The following GPC5 variants were observed in gnomAD, a reference collection of about 807,000 sequenced individuals.
GPC5 encodes glypican 5.
Under a neutral mutation model 53.9 loss-of-function variants are expected in GPC5, and 47 were observed. The observed-to-expected ratio is 0.87, with a 90% CI of 0.69 to 1.11. The LOEUF is 1.11. Ranked by LOEUF, GPC5 falls within the 50% of genes most tolerant of loss-of-function variation. The probability of loss-of-function intolerance (pLI) is 0.00; values close to 1 mark genes in which losing one functional copy is unlikely to be tolerated. For missense variants in GPC5, 748 were observed against 713.1 expected (o/e 1.05, Z -0.56); for synonymous variants, 286 against 263.3 (o/e 1.09, Z -0.84).
chr13:92,736,085 C>T (rs1888927192), intron 7 of GPC5, among the ~76,000 whole-genome samples: 1 of 151,936 alleles, frequency 6.6e-6, no homozygotes, highest in Non-Finnish European at 1.5e-5. Context: ...CTTTACTCTC[C>T]ACCGTCATCC....
rs1029549926 is a variant in GPC5, at chr13:92,866,549, G to T, written c.*110G>T. 4.2e-6 allele frequency: 4 copies of T among 945,620 alleles called. No homozygotes were observed. The highest frequency in any genetic ancestry group is 2.9e-5 in the Admixed American group (1 of 33,982). The allele number at this position is 945,620 out of a possible 1,614,324, so 58.6% of individuals were successfully genotyped here. On this transcript the variant is annotated 3_prime_UTR_variant, in exon 8 of 8. Coordinates refer to ENST00000377067, the MANE Select transcript of GPC5 (RefSeq NM_004466.6). ...AATGTAACAATTATATTTATGAAAAGATATGTTACACTAACTTCTCAGAAG... is the reference window on the plus strand; with the variant it reads ...AATGTAACAATTATATTTATGAAAATATATGTTACACTAACTTCTCAGAAG...
chr13:92,245,548 G>A (rs953175152), intron 7 of GPC5, among the ~76,000 whole-genome samples: 15 of 152,104 alleles, frequency 9.9e-5, no homozygotes, highest in African/African-American at 3.6e-4. Flanking sequence ...AAATAAACAT[G>A]TCTGAACCTT....
intron 6 of GPC5, among the ~76,000 whole-genome samples, chr13:92,065,111 A>T (rs2041157819): frequency 6.6e-6 from 1 of 152,190 alleles, no homozygotes; most frequent in South Asian, 2.1e-4. Flanking sequence ...AGGTCAGTTA[A>T]ATTCGATCAA....
chr13:91,887,217 C>G (rs2039333062), intron 5 of GPC5, among the ~76,000 whole-genome samples: 2 of 152,192 alleles, frequency 1.3e-5, no homozygotes. Flanking sequence ...AGGCTTTCAA[C>G]CTCCAAAGAC....
chr13:91,856,821 T>A lies in GPC5; in HGVS notation c.1281-51116T>A, dbSNP rs189315833. On this transcript the variant is annotated intron_variant, in intron 5 of 7. Transcript: ENST00000377067. Reference sequence around the variant, plus strand: ...TACTATAAATTTATTATTCTCTATGTCCTAAGAAATATTTCTTGAAGATGG... The same window carrying A: ...TACTATAAATTTATTATTCTCTATGACCTAAGAAATATTTCTTGAAGATGG... Among the ~76,000 whole-genome samples the A allele has an allele frequency of 5.0e-3, 751 of 151,536 alleles. 3 individuals carry two copies. Among genetic ancestry groups the A allele is most frequent in the African/African-American group, 0.017 (707 of 41,520 alleles).
chr13:92,788,872 G>T (rs894131702), intron 7 of GPC5, among the ~76,000 whole-genome samples: 22 of 152,268 alleles, frequency 1.4e-4, no homozygotes, highest in African/African-American at 4.6e-4. Flanking sequence ...CCTTGAGAAA[G>T]CCCTCACTAG....
At chr13:92,392,898 A>C (rs557217547) in intron 7 of GPC5, among the ~76,000 whole-genome samples, 41 of 152,328 alleles carry the variant, frequency 2.7e-4, no homozygotes, top group Non-Finnish European at 5.1e-4. Flanking sequence ...GTCAAAAAAT[A>C]ACAGAATATT....
intron 7 of GPC5, among the ~76,000 whole-genome samples, chr13:92,255,374 C>G (rs1376972847): frequency 6.6e-6 from 1 of 152,098 alleles, no homozygotes; most frequent in Non-Finnish European, 1.5e-5. Context: ...ATTCAGAAAC[C>G]ATCTTTGAGT....
intron 7 of GPC5, among the ~76,000 whole-genome samples, chr13:92,261,526 G>A (rs1224873272): frequency 6.6e-6 from 1 of 152,078 alleles, no homozygotes; most frequent in African/African-American, 2.4e-5. Context: ...AATCTCTGTA[G>A]AGTGTGCATT....
At chr13:92,735,729 C>G (rs546197090) in intron 7 of GPC5, among the ~76,000 whole-genome samples, 1 of 151,956 alleles carries the variant, frequency 6.6e-6, no homozygotes, top group Non-Finnish European at 1.5e-5. Context: ...TCAACACAAG[C>G]AAATTACAGT....
At chr13:92,739,633 C>T in intron 7 of GPC5, among the ~76,000 whole-genome samples, 1 of 151,550 alleles carries the variant, frequency 6.6e-6, no homozygotes, top group Non-Finnish European at 1.5e-5. Flanking sequence ...ATCATTACGT[C>T]ATCTCTCTTC....
intron 7 of GPC5, among the ~76,000 whole-genome samples, chr13:92,692,497 A>C (rs1887427883): frequency 7.6e-6 from 1 of 131,676 alleles, no homozygotes; most frequent in South Asian, 2.4e-4. Flanking sequence ...CATCACACAC[A>C]GGAAGGGGAA....
chr13:92,323,605 A>T (rs1190656793), intron 7 of GPC5, among the ~76,000 whole-genome samples: 1 of 151,720 alleles, frequency 6.6e-6, no homozygotes, highest in Non-Finnish European at 1.5e-5. Flanking sequence ...TATATAGTGG[A>T]TCTCTAATCT....
chr13:92,700,202 A>T (rs1887684229), intron 7 of GPC5, among the ~76,000 whole-genome samples: 1 of 150,802 alleles, frequency 6.6e-6, no homozygotes. Context: ...GTCTCTTTTG[A>T]ACTTTGTTGG....
In GPC5 at chr13:91,444,983, A is replaced by G. The variant is rs148562523; in HGVS notation, c.164-3778A>G. On this transcript the variant is annotated intron_variant, in intron 1 of 7. Transcript: ENST00000377067. ...GTTTCTGTTCATGTCTTCCACCCAC[A>G]AATTGAATGCCTTTTCCATCTTAAC... Among the ~76,000 whole-genome samples the G allele has an allele frequency of 6.2e-3, 942 of 152,264 alleles. 9 individuals carry two copies. Among genetic ancestry groups the G allele is most frequent in the African/African-American group, 0.021 (879 of 41,554 alleles).
chr13:92,249,120 G>A (rs1466818012), intron 7 of GPC5, among the ~76,000 whole-genome samples: 2 of 151,936 alleles, frequency 1.3e-5, no homozygotes, highest in African/African-American at 2.4e-5. Context: ...TAATCACTTC[G>A]GGGTAAATTG....
chr13:92,445,001 GC>G (rs1458418661), intron 7 of GPC5, among the ~76,000 whole-genome samples: 1 of 152,040 alleles, frequency 6.6e-6, no homozygotes, highest in Non-Finnish European at 1.5e-5. Flanking sequence ...TTAGAAGAAT[GC>G]CTGAAAGATT....
At chr13:92,588,348 T>C (rs1594326346) in intron 7 of GPC5, among the ~76,000 whole-genome samples, 1 of 152,332 alleles carries the variant, frequency 6.6e-6, no homozygotes, top group East Asian at 1.9e-4. Context: ...CAAAGGATTC[T>C]AAATCATTCT....
intron 7 of GPC5, among the ~76,000 whole-genome samples, chr13:92,199,872 C>T (rs1316374120): frequency 2.6e-5 from 4 of 152,014 alleles, no homozygotes; most frequent in Non-Finnish European, 5.9e-5. Flanking sequence ...TATATAACAT[C>T]GTGTCTCAGG....
Sources: gnomAD v4.1 joint callset for allele counts (sites outside exome capture counted in the v4.1 genomes callset) on GRCh38, gnomAD v4.1.1 for gene constraint, MANE v1.5 for transcripts, NCBI Gene and HGNC (gene_info 2026-07-23, HGNC 2026-07-21) for gene names.